Variants in ASTN1 observed in about 807,000 individuals in gnomAD.
The protein encoded by ASTN1 is astrotactin-1.
ASTN1 carries 41 observed loss-of-function variants against 140.7 expected under a neutral mutation model. That is an observed-to-expected ratio of 0.29 (90% CI 0.23 to 0.38). The LOEUF is 0.38. Among genes scored for constraint, ASTN1 ranks in the 10% least tolerant of loss-of-function variants. ASTN1 has a pLI of 1.00. For synonymous variants in ASTN1, 640 were observed against 652.2 expected (o/e 0.98, Z 0.29); for missense variants, 1,479 against 1,678.8 (o/e 0.88, Z 2.08).
chr1:177,032,621 G>A lies in ASTN1; in HGVS notation c.700C>T (p.Arg234Trp), dbSNP rs1397720198. 3.1e-6 allele frequency: 5 copies of A among 1,614,064 alleles called. No homozygotes were observed. Among genetic ancestry groups the A allele is most frequent in the South Asian group, 1.1e-5 (1 of 91,084 alleles). ...TAGCCGTCCAGGATAGGTGTCTCCC[G>A]GATGCTCAGGGTGCCACTGGAGTTG... ...GHNSSGTLSI[R>W]ETPILDGYEY... Residue 234 changes from arginine (R) to tryptophan (W), a missense_variant, in exon 3 of 23, where the codon CGG becomes TGG. Physicochemically the swap from Arg to Trp is moderately radical, Grantham distance 101. Transcript: ENST00000361833.
rs1464850489 is a variant in ASTN1, at chr1:177,030,960, A to C, written c.866-8T>G. The C allele has an allele frequency of 6.2e-7, 1 of 1,607,246 alleles. No individual in the cohort carries two copies. On this transcript the variant is annotated splice_region_variant and splice_polypyrimidine_tract_variant and intron_variant, in intron 3 of 22. Transcript: ENST00000361833. ...GCTTGGCATTGTCACTTCCTGTATA[A>C]GGAAAAGACGAGGCAAAAACTTTAA...
intron 1 of ASTN1, among the ~76,000 whole-genome samples, chr1:177,078,782 C>G (rs1227793621): frequency 6.6e-6 from 1 of 152,094 alleles, no homozygotes; most frequent in African/African-American, 2.4e-5. Flanking sequence ...GACATACATT[C>G]TTTTTTATTA....
At chr1:177,067,733 A>T (rs1383589865) in intron 1 of ASTN1, among the ~76,000 whole-genome samples, 1 of 152,096 alleles carries the variant, frequency 6.6e-6, no homozygotes, top group East Asian at 1.9e-4. Context: ...TCCTCTAAAG[A>T]CCCCAACTTG....
chr1:176,872,885 C>A (rs1447807248), intron 21 of ASTN1, among the ~76,000 whole-genome samples: 1 of 152,300 alleles, frequency 6.6e-6, no homozygotes, highest in African/African-American at 2.4e-5. Flanking sequence ...TATCCCACAG[C>A]CCTCCTTATG....
intron 1 of ASTN1, among the ~76,000 whole-genome samples, chr1:177,102,906 T>C (rs543470604): frequency 6.6e-6 from 1 of 152,276 alleles, no homozygotes; most frequent in African/African-American, 2.4e-5. Flanking sequence ...ACCAGATATA[T>C]TGCTTTGAGT....
At chr1:177,152,400 C>T (rs1683078360) in intron 1 of ASTN1, among the ~76,000 whole-genome samples, 1 of 151,950 alleles carries the variant, frequency 6.6e-6, no homozygotes, top group Non-Finnish European at 1.5e-5. Context: ...ACATTAATAG[C>T]TTTCACATAC....
intron 1 of ASTN1, among the ~76,000 whole-genome samples, chr1:177,122,955 T>A (rs761864899): frequency 6.6e-6 from 1 of 152,152 alleles, no homozygotes. Context: ...GGGATTATCA[T>A]AACTGAAGCG....
intron 9 of ASTN1, among the ~76,000 whole-genome samples, chr1:176,960,436 A>G (rs1672609318): frequency 6.6e-6 from 1 of 152,270 alleles, no homozygotes; most frequent in African/African-American, 2.4e-5. Context: ...TTTACAATTT[A>G]TGTAACTGAT....
chr1:176,966,480 A>T (rs1390108902), intron 8 of ASTN1, among the ~76,000 whole-genome samples: 1 of 152,234 alleles, frequency 6.6e-6, no homozygotes, highest in Non-Finnish European at 1.5e-5. Flanking sequence ...ACATTTATTT[A>T]AGTTTTGAAA....
chr1:176,976,346 T>C (rs1207880513), intron 8 of ASTN1: 3 of 152,192 alleles, frequency 2.0e-5, no homozygotes, highest in Non-Finnish European at 4.4e-5. Flanking sequence ...GGGAGTCAGA[T>C]GGCTGGTGAG....
intron 7 of ASTN1, among the ~76,000 whole-genome samples, chr1:177,021,457 A>T (rs1389370080): frequency 6.6e-6 from 1 of 152,244 alleles, no homozygotes; most frequent in Non-Finnish European, 1.5e-5. Flanking sequence ...TTTTTTAAAT[A>T]GTTTTGAATG....
At position 176,870,000 on chromosome 1, in the gene ASTN1, A is replaced by G. The variant is rs185556801; in HGVS notation, c.3464-973T>C. On this transcript the variant is annotated intron_variant, in intron 21 of 22. Coordinates refer to ENST00000361833, the MANE Select transcript of ASTN1 (RefSeq NM_004319.3). Reference sequence around the variant, plus strand: ...GTGTAAATGAGTAATCTTTCCATTTAATTTATGTCTCTGATATTTCTTCCT... The same window carrying G: ...GTGTAAATGAGTAATCTTTCCATTTGATTTATGTCTCTGATATTTCTTCCT... 8.5e-5 allele frequency among the ~76,000 whole-genome samples: 13 copies of G among 152,292 alleles called. No homozygotes were observed. In the East Asian group the frequency reaches 2.3e-3, roughly 27 times the overall value.
chr1:176,880,215 G>A (rs112397216), intron 20 of ASTN1, among the ~76,000 whole-genome samples: 68 of 152,282 alleles, frequency 4.5e-4, no homozygotes, highest in South Asian at 1.7e-3. Context: ...AGTGCGCACC[G>A]ACACAGAACA....
At chr1:176,887,977 T>A (rs1431415410) in intron 18 of ASTN1, 94 bp downstream of exon 18, 1 of 1,539,938 alleles carries the variant, frequency 6.5e-7, no homozygotes, top group South Asian at 1.2e-5. Flanking sequence ...CATATTTTTC[T>A]TTGTTTCCCA....
chr1:176,958,731 G>A (rs751232186), intron 9 of ASTN1, among the ~76,000 whole-genome samples: 1 of 152,194 alleles, frequency 6.6e-6, no homozygotes, highest in African/African-American at 2.4e-5. Context: ...TTTTTATCAA[G>A]TCATAAAAAG....
chr1:177,037,467 A>C (rs1321854578), intron 2 of ASTN1, among the ~76,000 whole-genome samples: 1 of 152,240 alleles, frequency 6.6e-6, no homozygotes, highest in African/African-American at 2.4e-5. Flanking sequence ...AGCATACAGA[A>C]GTTCTTCACA....
At chr1:176,932,709 C>T (rs1671259901) in intron 16 of ASTN1, among the ~76,000 whole-genome samples, 1 of 152,196 alleles carries the variant, frequency 6.6e-6, no homozygotes, top group South Asian at 2.1e-4. Context: ...AATGCCAAGA[C>T]CGTGGACAGA....
At chr1:177,007,751 C>A (rs1675069428) in intron 8 of ASTN1, among the ~76,000 whole-genome samples, 1 of 152,174 alleles carries the variant, frequency 6.6e-6, no homozygotes, top group African/African-American at 2.4e-5. Flanking sequence ...ACCAAGGTTA[C>A]AATTGCCTCT....
At chr1:176,866,125 C>G (rs182519321) in intron 22 of ASTN1, among the ~76,000 whole-genome samples, 1 of 152,252 alleles carries the variant, frequency 6.6e-6, no homozygotes, top group Admixed American at 6.5e-5. Context: ...AGCCACATTC[C>G]TTTCATTTCT....
Sources: allele counts gnomAD v4.1 joint callset (sites outside exome capture counted in the v4.1 genomes callset), GRCh38; gene constraint gnomAD v4.1.1; transcripts MANE v1.5; gene names NCBI Gene and HGNC (gene_info 2026-07-23, HGNC 2026-07-21).